The following NRG3 variants were observed in gnomAD, a reference collection of about 807,000 sequenced individuals.
NRG3 encodes neuregulin 3, also known as pro-neuregulin-3, membrane-bound isoform.
A neutral mutation model predicts 66.9 loss-of-function variants in NRG3; 31 were observed. The ratio of observed to expected loss-of-function variants is 0.46; its 90% CI spans 0.35 to 0.63. NRG3 has a LOEUF of 0.63. Among genes scored for constraint, NRG3 ranks in the 20% least tolerant of loss-of-function variants. NRG3 has a pLI of 0.00. For synonymous variants in NRG3, 393 were observed against 359.4 expected (o/e 1.09, Z -1.06); for missense variants, 910 against 878.9 (o/e 1.04, Z -0.45).
At chr10:82,635,839 G>A (rs1179432522) in intron 2 of NRG3, among the ~76,000 whole-genome samples, 4 of 152,186 alleles carry the variant, frequency 2.6e-5, no homozygotes, top group South Asian at 2.1e-4. Context: ...GGAGGCTGCA[G>A]TGGACTAGGC....
chr10:82,041,669 G>GTGTTT (rs1027416339), intron 1 of NRG3, among the ~76,000 whole-genome samples: 1 of 151,960 alleles, frequency 6.6e-6, no homozygotes, highest in African/African-American at 2.4e-5. Context: ...AAGTCACAAA[G>GTGTTT]TGTTCCTGAG....
intron 1 of NRG3, among the ~76,000 whole-genome samples, chr10:82,020,875 T>C (rs1038410388): frequency 5.3e-5 from 8 of 152,112 alleles, no homozygotes; most frequent in Admixed American, 1.3e-4. Flanking sequence ...TCGACTTTAA[T>C]TTCTTTTGGC....
chr10:82,216,126 C>A (rs1486431157), intron 1 of NRG3, among the ~76,000 whole-genome samples: 2 of 151,600 alleles, frequency 1.3e-5, no homozygotes, highest in African/African-American at 2.4e-5. Flanking sequence ...GCACACACTG[C>A]ACACTGCCAC....
chr10:82,547,960 A>G (rs1293103823), intron 2 of NRG3, among the ~76,000 whole-genome samples: 1 of 151,652 alleles, frequency 6.6e-6, no homozygotes, highest in African/African-American at 2.4e-5. Flanking sequence ...GGCCTGTGAT[A>G]TGAATAGTGT....
intron 1 of NRG3, among the ~76,000 whole-genome samples, chr10:81,880,974 C>T (rs1478796732): frequency 6.6e-6 from 1 of 152,166 alleles, no homozygotes; most frequent in Non-Finnish European, 1.5e-5. Context: ...GCAATGGACT[C>T]TATTTGAAAC....
intron 3 of NRG3, among the ~76,000 whole-genome samples, chr10:82,792,936 G>A (rs550547196): frequency 1.9e-4 from 29 of 151,946 alleles, no homozygotes; most frequent in East Asian, 1.6e-3. Flanking sequence ...CCACCTCGGC[G>A]TCCCAAAGTG....
In NRG3 at chr10:81,903,990, ATATATATT is replaced by A. The variant is rs1448755423; in HGVS notation, c.823+27829_823+27836del. 8.3e-3 allele frequency among the ~76,000 whole-genome samples: 974 copies of A among 117,952 alleles called. 10 individuals are homozygous for A. Among genetic ancestry groups the A allele is most frequent in the African/African-American group, 0.037 (922 of 24,826 alleles). The allele number at this position is 117,952 out of a possible 152,430, so 77.4% of individuals were successfully genotyped here. On this transcript the variant is annotated intron_variant, in intron 1 of 8. Coordinates refer to ENST00000372141, the MANE Select transcript of NRG3 (RefSeq NM_001010848.4). The stretch of plus-strand genomic sequence containing the variant: ...TCAGAGTGTGTATATATATATATAT[ATATATATT>A]TTTTTTTTTTGTTTGTTTGTTTGTT...
chr10:82,661,310 C>A (rs2052341397), intron 2 of NRG3, among the ~76,000 whole-genome samples: 1 of 152,024 alleles, frequency 6.6e-6, no homozygotes, highest in Non-Finnish European at 1.5e-5. Flanking sequence ...CCTGAATATA[C>A]ACCCTTACTC....
intron 3 of NRG3, among the ~76,000 whole-genome samples, chr10:82,801,105 A>C (rs186192637): frequency 4.1e-4 from 63 of 152,310 alleles, no homozygotes; most frequent in Admixed American, 9.8e-4. Context: ...GAGTCCTGGG[A>C]AAAGGAGCAT....
intron 1 of NRG3, among the ~76,000 whole-genome samples, chr10:82,018,722 T>C (rs1415719769): frequency 6.6e-6 from 1 of 152,298 alleles, no homozygotes; most frequent in Non-Finnish European, 1.5e-5. Context: ...TCACTCATGA[T>C]TTGGCTCTCT....
chr10:82,323,408 G>A (rs1564795388), intron 1 of NRG3, among the ~76,000 whole-genome samples: 3 of 151,306 alleles, frequency 2.0e-5, no homozygotes, highest in African/African-American at 4.9e-5. Flanking sequence ...ATAATCGTAT[G>A]TTTTTCTTAA....
At chr10:82,898,244 T>C (rs1451238698) in intron 4 of NRG3, among the ~76,000 whole-genome samples, 1 of 152,220 alleles carries the variant, frequency 6.6e-6, no homozygotes, top group African/African-American at 2.4e-5. Context: ...TAATCCATCC[T>C]TTATTGGTCT....
At chr10:82,617,296 TACACACACCACACACACGC>T in intron 2 of NRG3, among the ~76,000 whole-genome samples, 1 of 135,952 alleles carries the variant, frequency 7.4e-6, no homozygotes, top group East Asian at 2.1e-4. Context: ...ATCACACATA[TACACACACCACACACACGC>T]ACACATAGAC....
chr10:82,635,136 C>A (rs988467211), intron 2 of NRG3, among the ~76,000 whole-genome samples: 4 of 152,166 alleles, frequency 2.6e-5, no homozygotes, highest in African/African-American at 7.2e-5. Context: ...ACAAGCAATT[C>A]TTGGTTAGGA....
At chr10:82,553,326 C>T (rs552487708) in intron 2 of NRG3, among the ~76,000 whole-genome samples, 1 of 151,884 alleles carries the variant, frequency 6.6e-6, no homozygotes, top group South Asian at 2.1e-4. Flanking sequence ...TAGTGAGAAC[C>T]GCACCCCCCA....
At chr10:82,737,729 G>A (rs1192536469) in intron 2 of NRG3, among the ~76,000 whole-genome samples, 1 of 152,084 alleles carries the variant, frequency 6.6e-6, no homozygotes. Context: ...ATTTGTTCCT[G>A]GAATCACTGT....
At chr10:82,346,099 A>G (rs1224519888) in intron 1 of NRG3, among the ~76,000 whole-genome samples, 5 of 146,692 alleles carry the variant, frequency 3.4e-5, no homozygotes, top group South Asian at 2.2e-4. Flanking sequence ...TTCCAACACT[A>G]TGTTGAATAG....
intron 2 of NRG3, among the ~76,000 whole-genome samples, chr10:82,492,445 A>G (rs1843236596): frequency 6.6e-6 from 1 of 152,196 alleles, no homozygotes. Flanking sequence ...TTAGATCATC[A>G]ACATAATTTC....
At chr10:82,922,498 GA>G (rs1846534788) in intron 4 of NRG3, among the ~76,000 whole-genome samples, 1 of 152,156 alleles carries the variant, frequency 6.6e-6, no homozygotes, top group Non-Finnish European at 1.5e-5. Flanking sequence ...TTTCACCTGT[GA>G]ATGAGTTACA....
Sources: allele counts gnomAD v4.1 joint callset (sites outside exome capture counted in the v4.1 genomes callset), GRCh38; gene constraint gnomAD v4.1.1; transcripts MANE v1.5; gene names NCBI Gene and HGNC (gene_info 2026-07-23, HGNC 2026-07-21).